Variants in ARHGAP24 observed in about 807,000 individuals in gnomAD.
The protein encoded by ARHGAP24 is rho GTPase-activating protein 24.
ARHGAP24 carries 50 observed loss-of-function variants against 76.4 expected under a neutral mutation model. The observed-to-expected ratio is 0.65, with a 90% confidence interval of 0.52 to 0.83. The LOEUF is 0.83. ARHGAP24 is among the 40% of genes least tolerant of loss of function. ARHGAP24 has a pLI of 0.00. For missense variants in ARHGAP24, 930 were observed against 914.2 expected, an observed-to-expected ratio of 1.02 and a Z score of -0.22; for synonymous variants, 345 against 323.3, an observed-to-expected ratio of 1.07 and a Z score of -0.72.
intron 2 of ARHGAP24, among the ~76,000 whole-genome samples, chr4:85,712,047 G>A (rs1724549419): frequency 6.6e-6 from 1 of 152,016 alleles, no homozygotes; most frequent in Non-Finnish European, 1.5e-5. Flanking sequence ...TATTGCCATA[G>A]ACTTTGCTTC....
chr4:85,667,490 A>G (rs1359376633), intron 2 of ARHGAP24, among the ~76,000 whole-genome samples: 5 of 152,052 alleles, frequency 3.3e-5, no homozygotes, highest in Non-Finnish European at 4.4e-5. Context: ...GCTCACACAC[A>G]ATGCACTGCA....
chr4:85,942,774 A>T lies in ARHGAP24; in HGVS notation c.599+501A>T, dbSNP rs771991344. ...GGAGAAGTACAGCATGGTGAAAATAAAAGAATAATGGCAGCCCCAGAGAAG... is the reference window on the plus strand; with the variant it reads ...GGAGAAGTACAGCATGGTGAAAATATAAGAATAATGGCAGCCCCAGAGAAG... On this transcript the variant is annotated intron_variant, in intron 5 of 9. Coordinates refer to ENST00000395184, the MANE Select transcript of ARHGAP24 (RefSeq NM_001025616.3). Among the ~76,000 whole-genome samples the T allele has an allele frequency of 4.6e-5, 7 of 152,140 alleles. 1 individual carries two copies. The highest frequency in any genetic ancestry group is 1.3e-4 in the Admixed American group (2 of 15,268).
At chr4:85,966,205 C>A (rs1400232632) in intron 5 of ARHGAP24, among the ~76,000 whole-genome samples, 1 of 152,158 alleles carries the variant, frequency 6.6e-6, no homozygotes, top group East Asian at 1.9e-4. Flanking sequence ...GGGCCGCACC[C>A]TCATGAATTC....
At chr4:85,854,876 A>T (rs554770993) in intron 3 of ARHGAP24, among the ~76,000 whole-genome samples, 79 of 152,344 alleles carry the variant, frequency 5.2e-4, no homozygotes, top group African/African-American at 1.8e-3. Context: ...GGAAAGCAAC[A>T]ACAAAAATAC....
intron 2 of ARHGAP24, among the ~76,000 whole-genome samples, chr4:85,706,560 G>C (rs1441357632): frequency 6.9e-6 from 1 of 145,372 alleles, no homozygotes; most frequent in Non-Finnish European, 1.5e-5. Flanking sequence ...TGTTGTTTTT[G>C]TTTTTTTTTT....
intron 2 of ARHGAP24, among the ~76,000 whole-genome samples, chr4:85,713,534 A>G (rs1724610750): frequency 6.6e-6 from 1 of 152,188 alleles, no homozygotes; most frequent in Admixed American, 6.5e-5. Context: ...GGATAAATGA[A>G]TAAGTGAAGG....
At chr4:85,697,869 G>C (rs745757716) in intron 2 of ARHGAP24, among the ~76,000 whole-genome samples, 20 of 152,168 alleles carry the variant, frequency 1.3e-4, no homozygotes, top group Non-Finnish European at 2.1e-4. Flanking sequence ...AGGTGTCAGA[G>C]AGTCATTAAA....
chr4:85,735,471 T>C (rs1329572502), intron 3 of ARHGAP24, among the ~76,000 whole-genome samples: 2 of 152,208 alleles, frequency 1.3e-5, no homozygotes, highest in Non-Finnish European at 2.9e-5. Context: ...TACATTTTAA[T>C]CCTCATAATA....
chr4:85,485,302 C>T (rs1722984194), intron 1 of ARHGAP24, among the ~76,000 whole-genome samples: 1 of 125,602 alleles, frequency 8.0e-6, no homozygotes, highest in African/African-American at 3.1e-5. Flanking sequence ...GAGCCGAGAT[C>T]GCACCACCAC....
intron 3 of ARHGAP24, among the ~76,000 whole-genome samples, chr4:85,743,066 G>A (rs1038460269): frequency 6.6e-6 from 1 of 152,024 alleles, no homozygotes; most frequent in African/African-American, 2.4e-5. Context: ...TAAAATGAGA[G>A]AATCTGAATC....
intron 4 of ARHGAP24, among the ~76,000 whole-genome samples, chr4:85,941,820 A>G (rs777550403): frequency 3.3e-5 from 5 of 152,194 alleles, no homozygotes; most frequent in Non-Finnish European, 7.3e-5. Context: ...GATATCTCAA[A>G]CTCAGTGTTT....
At chr4:85,758,376 A>G (rs1190707796) in intron 3 of ARHGAP24, among the ~76,000 whole-genome samples, 1 of 152,132 alleles carries the variant, frequency 6.6e-6, no homozygotes, top group Non-Finnish European at 1.5e-5. Context: ...GTGAGAAATG[A>G]GGGATAGTGA....
At chr4:85,983,947 C>T (rs1739835570) in intron 8 of ARHGAP24, among the ~76,000 whole-genome samples, 1 of 152,180 alleles carries the variant, frequency 6.6e-6, no homozygotes, top group Admixed American at 6.5e-5. Flanking sequence ...CTTAATTTAT[C>T]ATTCAATAAA....
intron 5 of ARHGAP24, among the ~76,000 whole-genome samples, chr4:85,948,918 C>T (rs1346683680): frequency 6.6e-6 from 1 of 152,032 alleles, no homozygotes; most frequent in African/African-American, 2.4e-5. Context: ...TGGAGTTTCT[C>T]AAAATTCTAA....
At chr4:85,989,646 T>C (rs1408885639) in intron 8 of ARHGAP24, among the ~76,000 whole-genome samples, 1 of 151,642 alleles carries the variant, frequency 6.6e-6, no homozygotes, top group African/African-American at 2.4e-5. Flanking sequence ...AACAAAACCT[T>C]ACTGGATTGA....
chr4:85,631,526 A>G lies in ARHGAP24; in HGVS notation c.180+60805A>G, dbSNP rs1009991061. On this transcript the variant is annotated intron_variant, in intron 2 of 9. Coordinates refer to ENST00000395184, the MANE Select transcript of ARHGAP24 (RefSeq NM_001025616.3). ...TTTCTAGCCTTTTCTCTTTATTTCA[A>G]TGTCTATTTTATTAGCATTTTCAGA... 1.9e-4 allele frequency among the ~76,000 whole-genome samples: 29 copies of G among 152,086 alleles called. 1 individual carries two copies. The highest frequency in any genetic ancestry group is 1.6e-3 in the Admixed American group (25 of 15,266).
intron 1 of ARHGAP24, among the ~76,000 whole-genome samples, chr4:85,541,035 A>C (rs1201416741): frequency 7.9e-6 from 1 of 127,010 alleles, no homozygotes; most frequent in Non-Finnish European, 1.5e-5. Context: ...CCTGTAACAC[A>C]ATCCGGTATT....
intron 2 of ARHGAP24, among the ~76,000 whole-genome samples, chr4:85,630,081 T>C (rs543392282): frequency 6.6e-6 from 1 of 152,262 alleles, no homozygotes; most frequent in African/African-American, 2.4e-5. Context: ...TTAAATGACC[T>C]GTCCTTGAGC....
chr4:85,846,400 A>G (rs1359004433), intron 3 of ARHGAP24, among the ~76,000 whole-genome samples: 1 of 152,086 alleles, frequency 6.6e-6, no homozygotes, highest in Non-Finnish European at 1.5e-5. Flanking sequence ...TTTTTTTATT[A>G]TTATTATTGA....
Sources: allele counts gnomAD v4.1 joint callset (sites outside exome capture counted in the v4.1 genomes callset), GRCh38; gene constraint gnomAD v4.1.1; transcripts MANE v1.5; gene names NCBI Gene and HGNC (gene_info 2026-07-23, HGNC 2026-07-21).